FDFT1: variants seen among roughly 807,000 people sequenced by gnomAD.
FDFT1 encodes squalene synthase.
A neutral mutation model predicts 46.8 loss-of-function variants in FDFT1; 68 were observed. The observed-to-expected ratio is 1.45, with a 90% confidence interval of 1.19 to 1.78. The LOEUF (loss-of-function observed/expected upper bound fraction) is 1.78, where lower values mean the gene tolerates loss of function less well. FDFT1 is among the 40% of genes most tolerant of loss of function. The pLI is 0.00. For missense variants in FDFT1, 928 were observed against 524.4 expected (o/e 1.77, Z -7.52); for synonymous variants, 351 against 185.1 (o/e 1.90, Z -7.28).
At chr8:11,825,216 C>T (rs1459662678) in intron 4 of FDFT1, among the ~76,000 whole-genome samples, 1 of 152,048 alleles carries the variant, frequency 6.6e-6, no homozygotes, top group Non-Finnish European at 1.5e-5. Context: ...TCATCGTTGC[C>T]TTCTCTCATA....
chr8:11,826,887 T>C (rs1049170642), intron 5 of FDFT1, among the ~76,000 whole-genome samples: 5 of 152,176 alleles, frequency 3.3e-5, no homozygotes, highest in African/African-American at 1.2e-4. Flanking sequence ...CTGAGTTCTC[T>C]GGCCTCGCCT....
upstream of FDFT1, among the ~76,000 whole-genome samples, chr8:11,798,939 C>A (rs943890352): frequency 6.6e-6 from 1 of 152,208 alleles, no homozygotes; most frequent in African/African-American, 2.4e-5. Context: ...CCAGCTTAGA[C>A]CACAGACGGG....
In FDFT1 at chr8:11,808,417, G is replaced by A. The variant is rs1585874612; in HGVS notation, c.100-377G>A. 2.4e-6 allele frequency: 3 copies of A among 1,255,694 alleles called. No homozygotes were observed. The East Asian group carries it at 9.4e-5, about 40-fold the overall frequency. The allele number at this position is 1,255,694 out of a possible 1,614,324, so 77.8% of individuals were successfully genotyped here. On this transcript the variant is annotated intron_variant, in intron 1 of 7. Transcript: ENST00000220584. ...CGGGCCCGTTGTGGGTCGGCCCAGC[G>A]CGTATTCGAGTAGAGGGCGAGCCCG...
chr8:11,807,469 G>C (rs148104610), intron 1 of FDFT1, among the ~76,000 whole-genome samples: 1 of 152,320 alleles, frequency 6.6e-6, no homozygotes, highest in African/African-American at 2.4e-5. Flanking sequence ...GGCCCTGTTG[G>C]ATAAATGATT....
chr8:11,809,054 C>A (rs1401559912), intron 2 of FDFT1, 163 bp downstream of exon 2: 2 of 1,341,772 alleles, frequency 1.5e-6, no homozygotes, highest in Non-Finnish European at 2.0e-6. Context: ...GAAAGCCCTT[C>A]CAGGCTCTTT....
intron 3 of FDFT1, among the ~76,000 whole-genome samples, chr8:11,815,683 C>T (rs531163772): frequency 3.3e-5 from 5 of 152,300 alleles, no homozygotes; most frequent in East Asian, 1.9e-4. Flanking sequence ...TGAGAAGTGT[C>T]TGTTCATATC....
chr8:11,811,995 C>T (rs1027820687), intron 3 of FDFT1, among the ~76,000 whole-genome samples: 2 of 152,176 alleles, frequency 1.3e-5, no homozygotes, highest in African/African-American at 4.8e-5. Context: ...TGGGGCTAGG[C>T]CTGCAATCAG....
chr8:11,796,595 C>T (rs1327545926), intron 1 of FDFT1, among the ~76,000 whole-genome samples: 1 of 152,198 alleles, frequency 6.6e-6, no homozygotes, highest in Non-Finnish European at 1.5e-5. Context: ...GGGAAGGCTG[C>T]AGCAGTGCTC....
chr8:11,803,058 C>T (rs1034126237), intron 1 of FDFT1, 127 bp downstream of exon 1: 14 of 1,458,564 alleles, frequency 9.6e-6, no homozygotes, highest in African/African-American at 7.2e-5. Flanking sequence ...CTGGGTGTTC[C>T]CGTCCCCCTT....
intron 3 of FDFT1, among the ~76,000 whole-genome samples, chr8:11,810,191 TATTATC>T (rs138091429): frequency 0.035 from 5,343 of 152,306 alleles, 229 homozygotes; most frequent in African/African-American, 0.11. Flanking sequence ...CTACTGCTGT[TATTATC>T]AGTATTGGAA....
chr8:11,833,995 A>C (rs934743442), intron 7 of FDFT1, among the ~76,000 whole-genome samples: 7 of 152,234 alleles, frequency 4.6e-5, no homozygotes, highest in African/African-American at 1.7e-4. Context: ...TAAAGTTTTA[A>C]ATGAAAACAT....
intron 7 of FDFT1, among the ~76,000 whole-genome samples, chr8:11,836,007 G>C (rs1811492086): frequency 1.1e-5 from 1 of 92,030 alleles, no homozygotes; most frequent in East Asian, 4.0e-4. Flanking sequence ...ACAAAAGTTA[G>C]TTGGGCATGG....
chr8:11,823,714 C>T (rs768766616), intron 4 of FDFT1, among the ~76,000 whole-genome samples: 4 of 152,030 alleles, frequency 2.6e-5, no homozygotes, highest in Non-Finnish European at 5.9e-5. Flanking sequence ...GGACCACAGG[C>T]ACGTTGCCAC....
Position 11,838,779 on chromosome 8 carries a change from TGAAAG to T in FDFT1, c.*177_*181del, listed in dbSNP as rs753469198. 62 of 627,408 alleles carry T rather than the reference TGAAAG, an allele frequency of 9.9e-5. 1 individual carries two copies. Among genetic ancestry groups the T allele is most frequent in the African/African-American group, 7.7e-4 (42 of 54,632 alleles). The allele number at this position is 627,408 out of a possible 1,614,324, so 38.9% of individuals were successfully genotyped here. On this transcript the variant is annotated 3_prime_UTR_variant, in exon 8 of 8. Coordinates refer to ENST00000220584, the MANE Select transcript of FDFT1 (RefSeq NM_004462.5). The stretch of plus-strand genomic sequence containing the variant: ...AATGCAGGTGAGAAGAACCTAAACA[TGAAAG>T]GAAAGGGTGCCTCATCCCAGCAACC...
chr8:11,813,165 G>A (rs927487583), intron 3 of FDFT1, among the ~76,000 whole-genome samples: 3 of 152,140 alleles, frequency 2.0e-5, no homozygotes, highest in Non-Finnish European at 4.4e-5. Context: ...ACAGTCTTAA[G>A]GGCCCACCAT....
At position 11,818,250 on chromosome 8, in the gene FDFT1, T is replaced by C. The variant is rs576816543; in HGVS notation, c.382-3500T>C. ...AAAGTTTGTTGTAATTTCTGTTCTT[T>C]TACATTTGCTGAGCAGTGTTTTTCT... On this transcript the variant is annotated intron_variant, in intron 3 of 7. Coordinates refer to ENST00000220584, the MANE Select transcript of FDFT1 (RefSeq NM_004462.5). 1.2e-3 allele frequency among the ~76,000 whole-genome samples: 188 copies of C among 152,376 alleles called. 1 individual carries two copies. Among genetic ancestry groups the C allele is most frequent in the African/African-American group, 4.0e-3 (165 of 41,592 alleles).
chr8:11,808,551 GC>G (rs1175592717), intron 1 of FDFT1: 1 of 1,365,066 alleles, frequency 7.3e-7, no homozygotes, highest in East Asian at 2.9e-5. Context: ...CAAGGCCATG[GC>G]CCTCTTCAAG....
chr8:11,804,240 G>C (rs936575448), intron 1 of FDFT1, among the ~76,000 whole-genome samples: 1 of 152,214 alleles, frequency 6.6e-6, no homozygotes, highest in Non-Finnish European at 1.5e-5. Context: ...GGATCTGAGT[G>C]CAGTCAGACC....
chr8:11,824,920 A>G, intron 4 of FDFT1, among the ~76,000 whole-genome samples: 1 of 151,950 alleles, frequency 6.6e-6, no homozygotes, highest in East Asian at 1.9e-4. Flanking sequence ...TATTTTTAGT[A>G]GAGACGGGGT....
Sources: gnomAD v4.1 joint callset for allele counts (sites outside exome capture counted in the v4.1 genomes callset) on GRCh38, gnomAD v4.1.1 for gene constraint, MANE v1.5 for transcripts, NCBI Gene and HGNC (gene_info 2026-07-23, HGNC 2026-07-21) for gene names.